AGTPBP1: variants seen among roughly 807,000 people sequenced by gnomAD.
AGTPBP1 encodes cytosolic carboxypeptidase 1.
In AGTPBP1, 70 loss-of-function variants were observed where a neutral mutation model predicts 143.9. The observed-to-expected ratio is 0.49, with a 90% confidence interval of 0.40 to 0.59. The LOEUF is 0.59. Among genes scored for constraint, AGTPBP1 ranks in the 20% least tolerant of loss-of-function variants. The pLI, the probability that AGTPBP1 is intolerant of heterozygous loss-of-function variation, is 0.00. For synonymous variants in AGTPBP1, 463 were observed against 500.2 expected, an observed-to-expected ratio of 0.93 and a Z score of 0.99; for missense variants, 1,229 against 1,464.5, an observed-to-expected ratio of 0.84 and a Z score of 2.62.
chr9:85,732,404 C>T lies in AGTPBP1; in HGVS notation c.-34+9371G>A, dbSNP rs560618961. On this transcript the variant is annotated intron_variant, in intron 1 of 25. Transcript: ENST00000357081. ...TAATTTTTTGTATTTTTAGTAGAGA[C>T]GGGGTTTTACCATGTTAGCCAGGAC... Among the ~76,000 whole-genome samples the T allele has an allele frequency of 7.9e-5, 12 of 151,756 alleles. No homozygotes were observed. In the South Asian group the frequency reaches 1.2e-3, roughly 16 times the overall value.
intron 14 of AGTPBP1, among the ~76,000 whole-genome samples, chr9:85,621,922 G>C (rs949217700): frequency 6.6e-6 from 1 of 152,104 alleles, no homozygotes; most frequent in Non-Finnish European, 1.5e-5. Flanking sequence ...TGTCCTAGAA[G>C]ACTAAGTCAC....
Position 85,657,525 on chromosome 9 carries a change from T to C in AGTPBP1, c.819A>G (p.Leu273=). 1 of 1,614,006 alleles carries C rather than the reference T, an allele frequency of 6.2e-7. No homozygotes were observed. Among genetic ancestry groups the C allele is most frequent in the South Asian group, 1.1e-5 (1 of 91,070 alleles). Reference sequence around the variant, plus strand: ...TGTTTGTAACACTTTTTAAACTCTGTAAAATTCCTTTCCGAATGAGCATGT... The same window carrying C: ...TGTTTGTAACACTTTTTAAACTCTGCAAAATTCCTTTCCGAATGAGCATGT... ...HRNMLIRKGI[L]QSLKSVTNIK... Residue 273 remains leucine, a synonymous_variant, in exon 10 of 26, where the codon TTA becomes TTG. Transcript: ENST00000357081.
At chr9:85,574,240 G>C (rs1827744928) in intron 25 of AGTPBP1, among the ~76,000 whole-genome samples, 1 of 152,066 alleles carries the variant, frequency 6.6e-6, no homozygotes, top group African/African-American at 2.4e-5. Flanking sequence ...GGCGGTGCAA[G>C]ATGTGCTTTG....
At chr9:85,690,355 A>G (rs949768015) in intron 3 of AGTPBP1, among the ~76,000 whole-genome samples, 2 of 152,230 alleles carry the variant, frequency 1.3e-5, no homozygotes, top group African/African-American at 4.8e-5. Flanking sequence ...CCTAGGCACT[A>G]TAAACAGAGT....
the AGTPBP1 span, among the ~76,000 whole-genome samples, chr9:85,787,107 C>T: frequency 1.3e-5 from 2 of 152,146 alleles, no homozygotes; most frequent in African/African-American, 4.8e-5. Flanking sequence ...GTCCTCAGAG[C>T]TCACAGAAAT....
the AGTPBP1 span, among the ~76,000 whole-genome samples, chr9:85,763,450 G>A: frequency 6.6e-6 from 1 of 151,860 alleles, no homozygotes; most frequent in South Asian, 2.1e-4. Flanking sequence ...AAAAAGTGTT[G>A]AGGAATTTTA....
At chr9:85,740,518 T>C (rs761180293) in intron 1 of AGTPBP1, among the ~76,000 whole-genome samples, 2 of 152,240 alleles carry the variant, frequency 1.3e-5, no homozygotes, top group Non-Finnish European at 2.9e-5. Flanking sequence ...TGTTTTAAAA[T>C]AAGCACCATT....
chr9:85,749,970 C>T, the AGTPBP1 span, among the ~76,000 whole-genome samples: 1 of 151,578 alleles, frequency 6.6e-6, no homozygotes, highest in African/African-American at 2.4e-5. Context: ...CAAGCTCTGC[C>T]TCCCAGGTTC....
intron 14 of AGTPBP1, among the ~76,000 whole-genome samples, chr9:85,622,981 G>A (rs1285806902): frequency 6.6e-6 from 1 of 152,048 alleles, no homozygotes; most frequent in East Asian, 1.9e-4. Flanking sequence ...TTTGGTTTTT[G>A]TTTTTTTAGC....
At chr9:85,723,128 G>C (rs940248639) in intron 1 of AGTPBP1, among the ~76,000 whole-genome samples, 1 of 152,198 alleles carries the variant, frequency 6.6e-6, no homozygotes, top group Admixed American at 6.5e-5. Context: ...GCTACATGGG[G>C]GTCAGGGACC....
At chr9:85,673,182 A>G (rs1234390079) in intron 6 of AGTPBP1, among the ~76,000 whole-genome samples, 1 of 152,216 alleles carries the variant, frequency 6.6e-6, no homozygotes, top group African/African-American at 2.4e-5. Flanking sequence ...AAAATAAAAC[A>G]TCCCTTTTAT....
chr9:85,648,541 G>A (rs1246289594), intron 11 of AGTPBP1, among the ~76,000 whole-genome samples: 4 of 152,166 alleles, frequency 2.6e-5, no homozygotes, highest in Admixed American at 6.5e-5. Context: ...ATTAAGGCGC[G>A]GTGGTTCACA....
intron 13 of AGTPBP1, among the ~76,000 whole-genome samples, chr9:85,635,338 C>A (rs1023959370): frequency 6.6e-6 from 1 of 152,252 alleles, no homozygotes; most frequent in Admixed American, 6.5e-5. Flanking sequence ...AGATGATTCA[C>A]AGGATCCCCT....
chr9:85,603,875 T>C lies in AGTPBP1; in HGVS notation c.2336-7426A>G, dbSNP rs148349402. Among the ~76,000 whole-genome samples the C allele has an allele frequency of 1.2e-4, 18 of 151,272 alleles. No homozygotes were observed. The East Asian group carries it at 3.4e-3, about 28-fold the overall frequency. The stretch of plus-strand genomic sequence containing the variant: ...ACTAAACGCAGGCCTGGGATGGTGA[T>C]GGATATGGGAAAAGACTCTTCTGCA... On this transcript the variant is annotated intron_variant, in intron 17 of 25. Coordinates refer to ENST00000357081, the MANE Select transcript of AGTPBP1 (RefSeq NM_001330701.2).
chr9:85,773,745 A>G, the AGTPBP1 span: 27 of 687,042 alleles, frequency 3.9e-5, no homozygotes, highest in Non-Finnish European at 4.5e-5. Flanking sequence ...TATGGAGATT[A>G]AGGAAGTTCA....
Position 85,585,474 on chromosome 9 carries a change from T to C in AGTPBP1, c.3154A>G (p.Thr1052Ala). Reference sequence around the variant, plus strand: ...TCTGTAATAATTACCCTGTATCCCGTATCCTCCACAACATCACATGAAGTT... The same window carrying C: ...TCTGTAATAATTACCCTGTATCCCGCATCCTCCACAACATCACATGAAGTT... Reference protein sequence around the residue: ...NATSCDVVEDTGYRTLPKILS... With the variant: ...NATSCDVVEDAGYRTLPKILS... Residue 1052 changes from threonine to alanine, a missense_variant, in exon 23 of 26, where the codon ACG becomes GCG. Thr to Ala is a moderately conservative substitution (Grantham distance 58). Around this residue, in one of 2 missense-constraint regions of AGTPBP1, gnomAD observed 486 missense variants for 652.3 expected, o/e 0.75. Transcript: ENST00000357081. 7 of 1,602,834 alleles carry C rather than the reference T, an allele frequency of 4.4e-6. No homozygotes were observed. The South Asian group carries it at 7.9e-5, about 18-fold the overall frequency.
chr9:85,676,823 C>A (rs540259870), intron 6 of AGTPBP1, among the ~76,000 whole-genome samples: 1 of 152,004 alleles, frequency 6.6e-6, no homozygotes, highest in Non-Finnish European at 1.5e-5. Context: ...AAAGAAAATG[C>A]GGTTTATTTA....
chr9:85,599,962 G>A (rs117447780), intron 17 of AGTPBP1, among the ~76,000 whole-genome samples: 3,176 of 152,242 alleles, frequency 0.021, 39 homozygotes, highest in Admixed American at 0.032. Flanking sequence ...CATGATCCTG[G>A]CCAGACTATT....
At chr9:85,662,038 C>T (rs1487423169) in intron 8 of AGTPBP1, among the ~76,000 whole-genome samples, 2 of 152,054 alleles carry the variant, frequency 1.3e-5, no homozygotes, top group Non-Finnish European at 2.9e-5. Flanking sequence ...GAAAAAACTG[C>T]TCAAGAAATT....
Sources: allele counts gnomAD v4.1 joint callset (sites outside exome capture counted in the v4.1 genomes callset), GRCh38; gene constraint gnomAD v4.1.1; regional missense constraint gnomAD v4.1.1; transcripts MANE v1.5; gene names NCBI Gene and HGNC (gene_info 2026-07-23, HGNC 2026-07-21).